MID1: variants seen among roughly 807,000 people sequenced by gnomAD.
MID1 encodes midline 1, also known as E3 ubiquitin-protein ligase Midline-1.
Under a neutral mutation model 40.4 loss-of-function variants are expected in MID1, and 7 were observed. That is an observed-to-expected ratio of 0.17 (90% CI 0.10 to 0.33). MID1 has a LOEUF of 0.33. Ranked by LOEUF, MID1 falls within the 10% of genes least tolerant of loss-of-function variation. The probability of loss-of-function intolerance (pLI) is 1.00; values close to 1 mark genes in which losing one functional copy is unlikely to be tolerated. For synonymous variants in MID1, 229 were observed against 221.2 expected (o/e 1.04, Z -0.31); for missense variants, 367 against 558.5 (o/e 0.66, Z 3.46).
intron 4 of MID1, among the ~76,000 whole-genome samples, chrX:10,487,288 C>T (rs943583742): frequency 1.8e-5 from 2 of 111,846 alleles, no homozygotes; most frequent in African/African-American, 6.5e-5. Flanking sequence ...TGTACACATA[C>T]CTAAACAATG....
chrX:10,542,259 G>A (rs1933500009), intron 2 of MID1, among the ~76,000 whole-genome samples: 1 of 101,574 alleles, frequency 9.8e-6, no homozygotes, highest in Non-Finnish European at 2.1e-5. Flanking sequence ...GCTGTCTTTG[G>A]CAATCATATG....
chrX:10,469,482 T>C (rs1261274638), intron 7 of MID1: 1 of 1,122,163 alleles, frequency 8.9e-7, no homozygotes, highest in Non-Finnish European at 1.2e-6. Context: ...TCCATGTGGT[T>C]TGCTAGAGGT....
intron 5 of MID1, among the ~76,000 whole-genome samples, chrX:10,478,576 CA>C (rs778092426): frequency 9.0e-6 from 1 of 111,698 alleles, no homozygotes; most frequent in Non-Finnish European, 1.9e-5. Flanking sequence ...AGTATATGAG[CA>C]AAATTAGCCA....
chrX:10,819,224 A>T (rs767050444), intron 1 of MID1, among the ~76,000 whole-genome samples: 15 of 99,323 alleles, frequency 1.5e-4, no homozygotes, highest in African/African-American at 4.2e-4. Context: ...AGAGACAGTG[A>T]GAGAGAGAGA....
intron 1 of MID1, among the ~76,000 whole-genome samples, chrX:10,780,271 G>A (rs1205789440): frequency 9.0e-6 from 1 of 111,681 alleles, no homozygotes; most frequent in African/African-American, 3.3e-5. Flanking sequence ...AGGCCAGAGA[G>A]CCCTTCTTTA....
intron 1 of MID1, among the ~76,000 whole-genome samples, chrX:10,605,351 A>G (rs996929944): frequency 3.6e-5 from 4 of 111,908 alleles, no homozygotes; most frequent in African/African-American, 1.3e-4. Flanking sequence ...TACATCACAG[A>G]CTTTAAATGA....
intron 2 of MID1, among the ~76,000 whole-genome samples, chrX:10,535,025 C>T (rs778507215): frequency 1.8e-5 from 2 of 112,130 alleles, no homozygotes; most frequent in East Asian, 2.8e-4. Context: ...TTAGTAGGAC[C>T]GACACTGCCT....
intron 1 of MID1, among the ~76,000 whole-genome samples, chrX:10,750,749 A>G (rs2147114316): frequency 8.9e-6 from 1 of 111,899 alleles, no homozygotes; most frequent in South Asian, 3.8e-4. Flanking sequence ...CCATTTTCAG[A>G]CTTGCTACCC....
In MID1 at chrX:10,741,438, A is replaced by G. The variant is rs773145230; in HGVS notation, c.-187+92116T>C. ...AAGTAAGTGATAACAACACAGGACGAGGGCATGCTTTCTTTTCATTCCCCT... is the reference window on the plus strand; with the variant it reads ...AAGTAAGTGATAACAACACAGGACGGGGGCATGCTTTCTTTTCATTCCCCT... On this transcript the variant is annotated intron_variant, in intron 1 of 10. Coordinates refer to the MID1 transcript ENST00000380785. Among the ~76,000 whole-genome samples, 625 of 107,687 alleles carry G rather than the reference A, an allele frequency of 5.8e-3. 5 individuals carry two copies. Among genetic ancestry groups the G allele is most frequent in the African/African-American group, 0.02 (580 of 28,721 alleles). 93.5% of individuals were successfully genotyped at this position (107,687 alleles called of 115,157 possible).
intron 2 of MID1, among the ~76,000 whole-genome samples, chrX:10,530,662 A>G (rs1367680918): frequency 1.8e-5 from 2 of 112,490 alleles, no homozygotes; most frequent in African/African-American, 6.5e-5. Flanking sequence ...TAATTGAACA[A>G]TTCATGTTGG....
At chrX:10,770,949 C>A (rs1364923819) in intron 1 of MID1, among the ~76,000 whole-genome samples, 1 of 108,734 alleles carries the variant, frequency 9.2e-6, no homozygotes, top group East Asian at 2.9e-4. Context: ...ACTAAAAATA[C>A]AAAAAAATTA....
chrX:10,665,688 C>G lies in MID1; in HGVS notation c.-186-45269G>C, dbSNP rs150115232. Among the ~76,000 whole-genome samples, 1,019 of 109,485 alleles carry G rather than the reference C, an allele frequency of 9.3e-3. 8 individuals carry two copies. Among genetic ancestry groups the G allele is most frequent in the Non-Finnish European group, 0.014 (731 of 52,655 alleles). On this transcript the variant is annotated intron_variant, in intron 1 of 10. Coordinates refer to the MID1 transcript ENST00000380785. ...GACTGCAGGCACACGCCACCACACC[C>G]AGCTAATTTTCTTATTTTCTGTAGA...
At chrX:10,584,894 G>A (rs938555715) in intron 1 of MID1, among the ~76,000 whole-genome samples, 1 of 111,021 alleles carries the variant, frequency 9.0e-6, no homozygotes, top group African/African-American at 3.3e-5. Context: ...CTCAAGAGCC[G>A]AGCTCCCTGA....
chrX:10,457,213 A>G (rs113237916), intron 8 of MID1, among the ~76,000 whole-genome samples: 3,286 of 111,779 alleles, frequency 0.029, 104 homozygotes, highest in African/African-American at 0.1. Flanking sequence ...CCGGTGAGAT[A>G]TATCAGAATG....
chrX:10,792,888 G>A (rs1212515831), intron 1 of MID1, among the ~76,000 whole-genome samples: 1 of 111,789 alleles, frequency 8.9e-6, no homozygotes, highest in African/African-American at 3.3e-5. Flanking sequence ...TTTATGGTAT[G>A]TGAGTTATAT....
chrX:10,702,318 G>T (rs2043198180), intron 1 of MID1, among the ~76,000 whole-genome samples: 1 of 111,904 alleles, frequency 8.9e-6, no homozygotes, highest in Admixed American at 9.5e-5. Flanking sequence ...GCCTGAAAAT[G>T]AAGCTGTCAA....
intron 1 of MID1, among the ~76,000 whole-genome samples, chrX:10,716,936 G>T (rs937307630): frequency 1.8e-5 from 2 of 111,261 alleles, no homozygotes; most frequent in Non-Finnish European, 3.8e-5. Flanking sequence ...TTCATATCCA[G>T]CCAAACTAAG....
At chrX:10,526,609 G>A (rs763507465) in intron 2 of MID1, among the ~76,000 whole-genome samples, 1 of 111,565 alleles carries the variant, frequency 9.0e-6, no homozygotes, top group South Asian at 3.8e-4. Context: ...GCAAAAGAGG[G>A]CCAAAGAAAT....
intron 7 of MID1, among the ~76,000 whole-genome samples, chrX:10,468,652 G>A (rs1008834320): frequency 9.0e-6 from 1 of 111,576 alleles, no homozygotes; most frequent in African/African-American, 3.3e-5. Flanking sequence ...TGGGTTGGAG[G>A]ACTGCTTCCT....
Sources: gnomAD v4.1 joint callset for allele counts (sites outside exome capture counted in the v4.1 genomes callset) on GRCh38, gnomAD v4.1.1 for gene constraint, MANE v1.5 for transcripts, NCBI Gene and HGNC (gene_info 2026-07-23, HGNC 2026-07-21) for gene names.